Variants in NRXN1 observed in about 807,000 individuals in gnomAD.
NRXN1 encodes neurexin-1.
A neutral mutation model predicts 150.9 loss-of-function variants in NRXN1; 39 were observed. The observed-to-expected ratio is 0.26, with a 90% confidence interval of 0.20 to 0.34. The LOEUF is 0.34. NRXN1 is among the 10% of genes least tolerant of loss of function. The pLI, the probability that NRXN1 is intolerant of heterozygous loss-of-function variation, is 1.00. For missense variants in NRXN1, 1,815 were observed against 1,949.9 expected, an observed-to-expected ratio of 0.93 and a Z score of 1.30; for synonymous variants, 924 against 757.0, an observed-to-expected ratio of 1.22 and a Z score of -3.62.
chr2:50,740,544 C>G (rs1440174998), intron 5 of NRXN1, among the ~76,000 whole-genome samples: 1 of 152,104 alleles, frequency 6.6e-6, no homozygotes, highest in Admixed American at 6.6e-5. Context: ...ACCTAATAAA[C>G]TGGTGTATTT....
At chr2:50,175,365 A>G (rs2060291678) in intron 18 of NRXN1, 1 of 152,332 alleles carries the variant, frequency 6.6e-6, no homozygotes, top group South Asian at 2.1e-4. Flanking sequence ...CAGTTCCAGC[A>G]GATTATATTC....
chr2:50,352,779 T>TAATAATAATA lies in NRXN1; in HGVS notation c.3364+112662_3364+112663insTATTATTATT, dbSNP rs1558582630. On this transcript the variant is annotated intron_variant, in intron 17 of 22. Transcript: ENST00000401669. ...ATAATAATAATAATAATAATAATATTATAATAATAATAATAATAATAATAA... is the reference window on the plus strand; with the variant it reads ...ATAATAATAATAATAATAATAATATTAATAATAATAATAATAATAATAATAATAATAATAA... 1.8e-3 allele frequency among the ~76,000 whole-genome samples: 174 copies of TAATAATAATA among 94,342 alleles called. 1 individual carries two copies. The highest frequency in any genetic ancestry group is 5.9e-3 in the African/African-American group (167 of 28,092). The allele number at this position is 94,342 out of a possible 152,430, so 61.9% of individuals were successfully genotyped here.
At position 50,267,306 on chromosome 2, in the gene NRXN1, T is replaced by C. The variant is rs192875943; in HGVS notation, c.3365-30336A>G. Among the ~76,000 whole-genome samples, 106 of 152,346 alleles carry C rather than the reference T, an allele frequency of 7.0e-4. No individual in the cohort carries two copies. The East Asian group carries it at 9.1e-3, about 13-fold the overall frequency. ...TTTTGAAGAAAGTAAGCTGTATTCA[T>C]ATTTTTTCTCAGAAATACTATGTTA... is the stretch of plus-strand genomic sequence containing the variant. On this transcript the variant is annotated intron_variant, in intron 17 of 22. Coordinates refer to ENST00000401669, the MANE Select transcript of NRXN1 (RefSeq NM_001330078.2).
chr2:50,394,223 T>A (rs531701294), intron 17 of NRXN1, among the ~76,000 whole-genome samples: 1 of 152,096 alleles, frequency 6.6e-6, no homozygotes, highest in Non-Finnish European at 1.5e-5. Context: ...TATGTGATGA[T>A]GCTTATGCTT....
intron 18 of NRXN1, among the ~76,000 whole-genome samples, chr2:50,149,113 G>A (rs528384070): frequency 9.2e-5 from 14 of 151,854 alleles, no homozygotes; most frequent in Non-Finnish European, 1.6e-4. Context: ...GAAAGTCATT[G>A]CTATGAAAGA....
At chr2:50,835,232 T>A (rs995410204) in intron 5 of NRXN1, among the ~76,000 whole-genome samples, 1 of 152,028 alleles carries the variant, frequency 6.6e-6, no homozygotes, top group Non-Finnish European at 1.5e-5. Flanking sequence ...CAAAAAAAAT[T>A]TAAACTCCTA....
At chr2:50,999,940 C>T (rs903020656) in intron 2 of NRXN1, among the ~76,000 whole-genome samples, 3 of 151,962 alleles carry the variant, frequency 2.0e-5, no homozygotes, top group Non-Finnish European at 4.4e-5. Flanking sequence ...GAATCATATT[C>T]CTATTTTTCA....
chr2:50,379,671 C>T (rs1430210129), intron 17 of NRXN1, among the ~76,000 whole-genome samples: 1 of 151,868 alleles, frequency 6.6e-6, no homozygotes, highest in Non-Finnish European at 1.5e-5. Flanking sequence ...GCAATACGTA[C>T]CAAAGCAATC....
intron 17 of NRXN1, among the ~76,000 whole-genome samples, chr2:50,299,967 T>C (rs2074002017): frequency 6.6e-6 from 1 of 152,170 alleles, no homozygotes; most frequent in Non-Finnish European, 1.5e-5. Context: ...ATCACCATGA[T>C]TTCTAGAACA....
At chr2:50,055,897 A>G (rs1349449600) in intron 19 of NRXN1, among the ~76,000 whole-genome samples, 1 of 152,184 alleles carries the variant, frequency 6.6e-6, no homozygotes, top group African/African-American at 2.4e-5. Context: ...TCATAGATCT[A>G]ACCTAAGTGA....
At chr2:50,624,999 G>A (rs535447320) in intron 5 of NRXN1, 1 of 152,012 alleles carries the variant, frequency 6.6e-6, no homozygotes, top group East Asian at 1.9e-4. Flanking sequence ...AGCATGGTTG[G>A]GAATCAGCTT....
intron 19 of NRXN1, among the ~76,000 whole-genome samples, chr2:50,081,539 A>T (rs575545185): frequency 7.2e-5 from 11 of 152,338 alleles, no homozygotes; most frequent in African/African-American, 2.2e-4. Flanking sequence ...TGATAGAGCA[A>T]GACTCTGCCT....
chr2:50,946,772 C>G (rs554698194), intron 2 of NRXN1, among the ~76,000 whole-genome samples: 9 of 152,208 alleles, frequency 5.9e-5, no homozygotes, highest in African/African-American at 1.9e-4. Context: ...CTGATTTAAA[C>G]TTTAAAAAAT....
chr2:49,938,865 A>C (rs2104319581), intron 22 of NRXN1, among the ~76,000 whole-genome samples: 1 of 152,268 alleles, frequency 6.6e-6, no homozygotes, highest in Non-Finnish European at 1.5e-5. Context: ...CTTCTTCAGG[A>C]GTTTTCAGAA....
chr2:50,918,846 A>T (rs1312804108), intron 5 of NRXN1: 3 of 231,188 alleles, frequency 1.3e-5, no homozygotes, highest in Non-Finnish European at 2.5e-5. Flanking sequence ...AAGCCCCAAA[A>T]AAATGTGATC....
intron 17 of NRXN1, among the ~76,000 whole-genome samples, chr2:50,433,086 G>A (rs373105544): frequency 3.3e-5 from 5 of 152,258 alleles, no homozygotes; most frequent in East Asian, 3.9e-4. Context: ...CCAGAAACAA[G>A]CTTCAACTAT....
intron 17 of NRXN1, among the ~76,000 whole-genome samples, chr2:50,294,406 T>C (rs2073317100): frequency 6.6e-6 from 1 of 152,256 alleles, no homozygotes; most frequent in African/African-American, 2.4e-5. Flanking sequence ...TATGATACTT[T>C]GTATTCTGTT....
chr2:50,424,412 C>T (rs915975991), intron 17 of NRXN1, among the ~76,000 whole-genome samples: 3 of 151,260 alleles, frequency 2.0e-5, no homozygotes, highest in African/African-American at 4.9e-5. Flanking sequence ...ATCAGAGAGA[C>T]GGTACCTGGA....
chr2:50,265,998 ATTTAT>A (rs375391078), intron 17 of NRXN1, among the ~76,000 whole-genome samples: 16,907 of 109,524 alleles, frequency 0.15, 1,063 homozygotes, highest in Middle Eastern at 0.2. Context: ...TATTATTATT[ATTTAT>A]TTTTTTTTTT....
Sources: allele counts gnomAD v4.1 joint callset (sites outside exome capture counted in the v4.1 genomes callset), GRCh38; gene constraint gnomAD v4.1.1; transcripts MANE v1.5; gene names NCBI Gene and HGNC (gene_info 2026-07-23, HGNC 2026-07-21).